Variants in PRIM2 observed in about 807,000 individuals in gnomAD.
PRIM2 encodes DNA primase large subunit.
A neutral mutation model predicts 67.3 loss-of-function variants in PRIM2; 39 were observed. The observed-to-expected ratio is 0.58, with a 90% CI of 0.45 to 0.76. The LOEUF is 0.76. Among genes scored for constraint, PRIM2 ranks in the 30% least tolerant of loss-of-function variants. The probability of loss-of-function intolerance (pLI) is 0.00; values close to 1 mark genes in which losing one functional copy is unlikely to be tolerated. For synonymous variants in PRIM2, 143 were observed against 198.7 expected (o/e 0.72, Z 2.36); for missense variants, 398 against 598.7 (o/e 0.66, Z 3.50).
the PRIM2 span, among the ~76,000 whole-genome samples, chr6:57,292,399 A>G: frequency 6.6e-6 from 1 of 152,186 alleles, no homozygotes; most frequent in African/African-American, 2.4e-5. Flanking sequence ...AAGAATCAAT[A>G]TCATGAAAAT....
intron 12 of PRIM2, among the ~76,000 whole-genome samples, chr6:57,610,054 C>CTA (rs1410057523): frequency 6.6e-6 from 1 of 152,088 alleles, no homozygotes; most frequent in Non-Finnish European, 1.5e-5. Context: ...ATACCTTCAA[C>CTA]TATAGGAAAT....
At chr6:57,290,392 A>G in the PRIM2 span, among the ~76,000 whole-genome samples, 2 of 152,200 alleles carry the variant, frequency 1.3e-5, no homozygotes, top group Non-Finnish European at 2.9e-5. Context: ...TTAGACTCGC[A>G]CACAATAATC....
chr6:57,629,641 C>T (rs1254111475), intron 12 of PRIM2, among the ~76,000 whole-genome samples: 2 of 151,890 alleles, frequency 1.3e-5, no homozygotes, highest in African/African-American at 4.8e-5. Flanking sequence ...GTCCATGGAT[C>T]TACCATCTAT....
the PRIM2 span, among the ~76,000 whole-genome samples, chr6:57,245,711 A>G: frequency 1.3e-5 from 2 of 152,228 alleles, no homozygotes; most frequent in Non-Finnish European, 2.9e-5. Context: ...AAGGGATCAA[A>G]CAATAGCTCA....
chr6:57,252,921 A>G, the PRIM2 span, among the ~76,000 whole-genome samples: 3 of 152,204 alleles, frequency 2.0e-5, no homozygotes, highest in Admixed American at 2.0e-4. Context: ...AGATCTGTTT[A>G]TGGAAGGAAA....
chr6:57,556,093 G>A (rs1775509067), intron 10 of PRIM2, among the ~76,000 whole-genome samples: 1 of 152,218 alleles, frequency 6.6e-6, no homozygotes, highest in Non-Finnish European at 1.5e-5. Flanking sequence ...CAAGAGAGGG[G>A]AATGAGCTCT....
intron 10 of PRIM2, among the ~76,000 whole-genome samples, chr6:57,553,294 A>C (rs1306852036): frequency 2.0e-5 from 3 of 152,174 alleles, no homozygotes; most frequent in African/African-American, 7.2e-5. Context: ...TTACCAACAA[A>C]GGAAAGATAT....
chr6:57,572,361 G>A (rs1449463859), intron 10 of PRIM2, among the ~76,000 whole-genome samples: 2 of 152,156 alleles, frequency 1.3e-5, no homozygotes, highest in Non-Finnish European at 2.9e-5. Context: ...AGAGAGATGG[G>A]TTTTAGTGCA....
the PRIM2 span, among the ~76,000 whole-genome samples, chr6:57,250,609 CAGTT>C: frequency 1.8e-4 from 27 of 152,188 alleles, no homozygotes; most frequent in African/African-American, 2.4e-4. Flanking sequence ...GAATAGGCAA[CAGTT>C]AGTTAGCCGT....
Position 57,645,938 on chromosome 6 carries a change from G to A in PRIM2, c.1310G>A (p.Cys437Tyr). The A allele has an allele frequency of 6.4e-7, 1 of 1,567,574 alleles. No individual in the cohort carries two copies. Among genetic ancestry groups the A allele is most frequent in the Non-Finnish European group, 8.8e-7 (1 of 1,138,820 alleles). The change falls in exon 14 of 14, where the codon TGT (cysteine) becomes TAT (tyrosine). Residue 437 changes from cysteine to tyrosine, a missense_variant. This residue lies in a region of PRIM2 where 72 missense variants were observed against 89.4 expected (regional missense o/e 0.81). Coordinates refer to ENST00000615550, the MANE Select transcript of PRIM2 (RefSeq NM_000947.5). ...TTCCTTCCTTTACAGGTGGATGATT[G>A]TGGCTTTTCTTTGAATCATCCTAAT... Reference protein sequence around the residue: ...YFEMIHNVDDCGFSLNHPNQF... With the variant: ...YFEMIHNVDDYGFSLNHPNQF...
At chr6:57,441,849 A>T (rs1772211943) in intron 7 of PRIM2, among the ~76,000 whole-genome samples, 1 of 152,154 alleles carries the variant, frequency 6.6e-6, no homozygotes, top group Non-Finnish European at 1.5e-5. Flanking sequence ...TGAGACTTTA[A>T]TCAAAGGTAA....
chr6:57,277,647 C>T, the PRIM2 span, among the ~76,000 whole-genome samples: 1 of 151,874 alleles, frequency 6.6e-6, no homozygotes, highest in Non-Finnish European at 1.5e-5. Context: ...CAGAGAACCA[C>T]GATGTGAATT....
chr6:57,510,074 A>G (rs1774333469), intron 8 of PRIM2, among the ~76,000 whole-genome samples: 1 of 151,724 alleles, frequency 6.6e-6, no homozygotes, highest in Non-Finnish European at 1.5e-5. Context: ...TCTTTTATAG[A>G]TATTTTCATA....
chr6:57,371,841 C>G (rs1769569049), intron 5 of PRIM2, among the ~76,000 whole-genome samples: 2 of 152,180 alleles, frequency 1.3e-5, no homozygotes, highest in African/African-American at 4.8e-5. Context: ...ATAGCTACTT[C>G]CTCTCAGATA....
intron 5 of PRIM2, among the ~76,000 whole-genome samples, chr6:57,337,340 C>G (rs1471686370): frequency 6.6e-6 from 1 of 152,084 alleles, no homozygotes; most frequent in African/African-American, 2.4e-5. Context: ...GAATTGAACT[C>G]AGCTCTGCAC....
At chr6:57,449,338 A>T (rs1158283100) in intron 7 of PRIM2, among the ~76,000 whole-genome samples, 2 of 152,174 alleles carry the variant, frequency 1.3e-5, no homozygotes, top group Admixed American at 1.3e-4. Flanking sequence ...GTTCTCTTGA[A>T]CAATTAAAAT....
intron 9 of PRIM2, among the ~76,000 whole-genome samples, chr6:57,532,693 C>T (rs1353723426): frequency 6.6e-6 from 1 of 152,040 alleles, no homozygotes. Flanking sequence ...TTTATGAAAA[C>T]AGAATTTAAT....
At chr6:57,419,061 T>G (rs1581887761) in intron 7 of PRIM2, among the ~76,000 whole-genome samples, 1 of 152,246 alleles carries the variant, frequency 6.6e-6, no homozygotes, top group Non-Finnish European at 1.5e-5. Flanking sequence ...GAATTTTATA[T>G]GCATGTGTGA....
intron 8 of PRIM2, among the ~76,000 whole-genome samples, chr6:57,525,076 G>A (rs1474044763): frequency 6.6e-6 from 1 of 150,516 alleles, no homozygotes; most frequent in Non-Finnish European, 1.5e-5. Flanking sequence ...CTGCCCACCT[G>A]CCTTTGCTTG....
Sources: gnomAD v4.1 joint callset for allele counts (sites outside exome capture counted in the v4.1 genomes callset) on GRCh38, gnomAD v4.1.1 for gene constraint, gnomAD v4.1.1 regional missense constraint, MANE v1.5 for transcripts, NCBI Gene and HGNC (gene_info 2026-07-23, HGNC 2026-07-21) for gene names.